The following SLC39A14 variants were observed in gnomAD, a reference collection of about 807,000 sequenced individuals.
SLC39A14 encodes the protein metal cation symporter ZIP14.
A neutral mutation model predicts 45.5 loss-of-function variants in SLC39A14; 19 were observed. That is an observed-to-expected ratio of 0.42 (90% CI 0.29 to 0.61). SLC39A14 has a LOEUF of 0.61. Ranked by LOEUF, SLC39A14 falls within the 20% of genes least tolerant of loss-of-function variation. SLC39A14 has a pLI of 0.22. For synonymous variants in SLC39A14, 264 were observed against 251.3 expected, an observed-to-expected ratio of 1.05 and a Z score of -0.48; for missense variants, 447 against 616.5, an observed-to-expected ratio of 0.73 and a Z score of 2.91.
At chr8:22,434,023 T>TA in exon 9 of SLC39A14, 1 of 362,300 alleles carries the variant, frequency 2.8e-6, no homozygotes, top group Non-Finnish European at 5.5e-6. Context: ...TGTTTGTTAA[T>TA]AAAAATGGGG....
At chr8:22,427,465 C>G (rs1373392103), downstream of SLC39A14, among the ~76,000 whole-genome samples, 1 of 151,516 alleles carries the variant, frequency 6.6e-6, no homozygotes, top group South Asian at 2.1e-4. Flanking sequence ...GAATCATTTT[C>G]TTGCTTAAAA....
In SLC39A14 at chr8:22,422,265, CAG is replaced by C. The variant is rs775949250; in HGVS notation, c.*2568_*2569del. ...ACGTGCAGGAACAGTGAGGCAGGGA[CAG>C]GGGTTCTGCTCCTTCTCACTTCACC... On this transcript the variant is annotated 3_prime_UTR_variant, in exon 9 of 9. Coordinates refer to ENST00000381237, the MANE Select transcript of SLC39A14 (RefSeq NM_001128431.4). The C allele has an allele frequency of 1.5e-5, 15 of 985,418 alleles. No individual in the cohort carries two copies. Among genetic ancestry groups the C allele is most frequent in the African/African-American group, 1.7e-5 (1 of 57,226 alleles). 61.0% of individuals were successfully genotyped at this position (985,418 alleles called of 1,614,324 possible).
chr8:22,397,652 A>G (rs760100992), intron 1 of SLC39A14, among the ~76,000 whole-genome samples: 9 of 151,940 alleles, frequency 5.9e-5, no homozygotes, highest in African/African-American at 1.2e-4. Context: ...TTTGTCTGCA[A>G]CTTGTCAGGG....
chr8:22,406,734 T>G (rs996650290), intron 2 of SLC39A14, among the ~76,000 whole-genome samples: 1 of 152,010 alleles, frequency 6.6e-6, no homozygotes, highest in African/African-American at 2.4e-5. Flanking sequence ...CCACGTGGCT[T>G]GGATGCGAAC....
chr8:22,374,740 C>CTTTTTT (rs67116858), intron 1 of SLC39A14, among the ~76,000 whole-genome samples: 2 of 104,038 alleles, frequency 1.9e-5, no homozygotes, highest in African/African-American at 4.2e-5. Flanking sequence ...CCAGCCTGCT[C>CTTTTTT]TTTTTTTTTT....
rs371493859 is a variant in SLC39A14, at chr8:22,402,626, G to A, written c.-15-2070G>A. On this transcript the variant is annotated intron_variant, in intron 1 of 8. Coordinates refer to ENST00000381237, the MANE Select transcript of SLC39A14 (RefSeq NM_001128431.4). ...CTCTACTAAAAATACAAAATTAGCC[G>A]GGTATGGTGGCCAGCGCCTATAATC... is the stretch of plus-strand genomic sequence containing the variant. Among the ~76,000 whole-genome samples the A allele has an allele frequency of 1.7e-4, 26 of 151,860 alleles. No homozygotes were observed. In the East Asian group the frequency reaches 3.9e-3, roughly 23 times the overall value.
Position 22,416,212 on chromosome 8 carries a change from C to G in SLC39A14, c.1079C>G (p.Thr360Ser), listed in dbSNP as rs1380824564. ...GGCCTGGCCATCGGTGCTTCCTTCA[C>G]TGTGTCAGTTTTCCAAGGCATCAGC... is the stretch of plus-strand genomic sequence containing the variant. ...IDGLAIGASF[T>S]VSVFQGISTS... Residue 360 changes from threonine (T) to serine (S), a missense_variant, in exon 7 of 9, where the codon ACT (threonine) becomes AGT (serine). Coordinates refer to ENST00000381237, the MANE Select transcript of SLC39A14 (RefSeq NM_001128431.4). 1 of 1,613,874 alleles carries G rather than the reference C, an allele frequency of 6.2e-7. No individual in the cohort carries two copies. The highest frequency in any genetic ancestry group is 1.7e-5 in the Admixed American group (1 of 60,014).
At chr8:22,385,637 T>C (rs1053245639) in intron 1 of SLC39A14, among the ~76,000 whole-genome samples, 1 of 152,180 alleles carries the variant, frequency 6.6e-6, no homozygotes, top group Non-Finnish European at 1.5e-5. Context: ...GCCAGTTATA[T>C]GGTCAGCAGG....
rs566589554 is a variant in SLC39A14, at chr8:22,420,369, G to C, written c.*671G>C. On this transcript the variant is annotated 3_prime_UTR_variant, in exon 9 of 9. Coordinates refer to ENST00000381237, the MANE Select transcript of SLC39A14 (RefSeq NM_001128431.4). The stretch of plus-strand genomic sequence containing the variant: ...TACTGAGATGCTGGATATTGATTTT[G>C]TAACAGCACCTGGTGTTTCACGGCT... 4 of 985,460 alleles carry C rather than the reference G, an allele frequency of 4.1e-6. No homozygotes were observed. Among genetic ancestry groups the C allele is most frequent in the Non-Finnish European group, 4.8e-6 (4 of 829,956 alleles). The allele number at this position is 985,460 out of a possible 1,614,324, so 61.0% of individuals were successfully genotyped here. A position where few individuals can be genotyped will look rare whatever the true frequency, so the allele number is the denominator to read the frequency against.
intron 1 of SLC39A14, among the ~76,000 whole-genome samples, chr8:22,385,320 G>C (rs1407789295): frequency 6.6e-6 from 1 of 152,114 alleles, no homozygotes; most frequent in Non-Finnish European, 1.5e-5. Context: ...GTGTTGTTTG[G>C]GGATGGACAC....
Position 22,421,117 on chromosome 8 carries a change from TG to T in SLC39A14, c.*1423del, listed in dbSNP as rs1366512490. On this transcript the variant is annotated 3_prime_UTR_variant, in exon 9 of 9. Coordinates refer to ENST00000381237, the MANE Select transcript of SLC39A14 (RefSeq NM_001128431.4). ...ATAATGTGAGATTCTTTAGCCACTT[TG>T]GGGAGCCTGTCTCTCCAGAAGCCTT... 6.1e-6 allele frequency: 6 copies of T among 985,738 alleles called. No homozygotes were observed. Among genetic ancestry groups the T allele is most frequent in the Non-Finnish European group, 7.2e-6 (6 of 829,938 alleles). 61.1% of individuals were successfully genotyped at this position (985,738 alleles called of 1,614,324 possible). A position where few individuals can be genotyped will look rare whatever the true frequency, so the allele number is the denominator to read the frequency against.
At chr8:22,405,879 A>G (rs1835181298) in intron 2 of SLC39A14, among the ~76,000 whole-genome samples, 1 of 152,202 alleles carries the variant, frequency 6.6e-6, no homozygotes, top group South Asian at 2.1e-4. Flanking sequence ...AGCCAGCAAA[A>G]TCTTTATATA....
At chr8:22,376,266 G>A (rs1833209402) in intron 1 of SLC39A14, among the ~76,000 whole-genome samples, 1 of 151,156 alleles carries the variant, frequency 6.6e-6, no homozygotes, top group Non-Finnish European at 1.5e-5. Flanking sequence ...CCACCTCCCA[G>A]TTTCAAGCAA....
intron 1 of SLC39A14, among the ~76,000 whole-genome samples, chr8:22,391,795 C>G (rs543673323): frequency 6.6e-6 from 1 of 152,286 alleles, no homozygotes; most frequent in Admixed American, 6.5e-5. Context: ...GTCTTGAACT[C>G]CTGACCTCGT....
chr8:22,408,514 G>A lies in SLC39A14; in HGVS notation c.457+18G>A, dbSNP rs1421076612. The stretch of plus-strand genomic sequence containing the variant: ...TGTTGAAGGTGAGCCAGGCCAGGAA[G>A]GCAGGAGCCCATCTCCCATCTCGCC... On this transcript the variant is annotated intron_variant, in intron 3 of 8. Transcript: ENST00000381237. The A allele has an allele frequency of 5.0e-6, 8 of 1,605,002 alleles. No homozygotes were observed. The highest frequency in any genetic ancestry group is 6.8e-6 in the Non-Finnish European group (8 of 1,174,868).
At position 22,408,400 on chromosome 8, in the gene SLC39A14, A is replaced by G; in HGVS notation, c.361A>G (p.Ile121Val). 1 of 1,614,188 alleles carries G rather than the reference A, an allele frequency of 6.2e-7. No individual in the cohort carries two copies. Among genetic ancestry groups the G allele is most frequent in the Non-Finnish European group, 8.5e-7 (1 of 1,180,040 alleles). The change falls in exon 3 of 9, where the codon ATC (isoleucine) becomes GTC (valine). Residue 121 changes from isoleucine (I) to valine (V), a missense_variant. Coordinates refer to ENST00000381237, the MANE Select transcript of SLC39A14 (RefSeq NM_001128431.4). ...CGAGCTCCAGGAGTTCTGCCCCACC[A>G]TCCTCCAGCAGCTGGATTCCCGGGC... ...SSELQEFCPT[I>V]LQQLDSRACT...
Position 22,418,270 on chromosome 8 carries a change from G to A in SLC39A14, c.1332+435G>A, listed in dbSNP as rs181979218. ...ATACCACAGAGTTCGTCTGTTTAAG[G>A]TGTACCTACCATTCAGCGGTTTTTA... On this transcript the variant is annotated intron_variant, in intron 8 of 8. Transcript: ENST00000381237. 2.0e-3 allele frequency among the ~76,000 whole-genome samples: 304 copies of A among 152,264 alleles called. 1 individual carries two copies. Among genetic ancestry groups the A allele is most frequent in the Non-Finnish European group, 2.5e-3 (172 of 68,020 alleles).
chr8:22,392,545 G>A (rs973764164), intron 1 of SLC39A14, among the ~76,000 whole-genome samples: 19 of 152,194 alleles, frequency 1.2e-4, no homozygotes, highest in African/African-American at 3.1e-4. Context: ...CCGGCCTCAC[G>A]GTCTGACAAA....
intron 1 of SLC39A14, among the ~76,000 whole-genome samples, chr8:22,380,814 C>T (rs1364849377): frequency 6.6e-6 from 1 of 151,840 alleles, no homozygotes; most frequent in African/African-American, 2.4e-5. Context: ...GTAGCTGGGA[C>T]TACAGGCATG....
Sources: allele counts gnomAD v4.1 joint callset (sites outside exome capture counted in the v4.1 genomes callset), GRCh38; gene constraint gnomAD v4.1.1; transcripts MANE v1.5; gene names NCBI Gene and HGNC (gene_info 2026-07-23, HGNC 2026-07-21).